ERC2: variants seen among roughly 807,000 people sequenced by gnomAD.
ERC2 encodes ELKS/RAB6-interacting/CAST family member 2, also known as ERC protein 2.
ERC2 carries 42 observed loss-of-function variants against 114.8 expected under a neutral mutation model. The observed-to-expected ratio is 0.37, with a 90% CI of 0.29 to 0.47. ERC2 has a LOEUF of 0.47. Ranked by LOEUF, ERC2 falls within the 20% of genes least tolerant of loss-of-function variation. ERC2 has a pLI of 0.99. For synonymous variants in ERC2, 454 were observed against 425.5 expected (o/e 1.07, Z -0.82); for missense variants, 939 against 1,150.7 (o/e 0.82, Z 2.66).
At chr3:56,065,439 C>G (rs886312392) in intron 7 of ERC2, among the ~76,000 whole-genome samples, 4 of 151,910 alleles carry the variant, frequency 2.6e-5, no homozygotes, top group African/African-American at 4.8e-5. Flanking sequence ...CCGGGCTGCT[C>G]TCAAATTCCT....
intron 14 of ERC2, among the ~76,000 whole-genome samples, chr3:55,799,437 T>TA (rs2070826597): frequency 9.7e-6 from 1 of 103,286 alleles, no homozygotes; most frequent in Admixed American, 9.5e-5. Flanking sequence ...TATATATGCC[T>TA]TATATATATA....
rs139698849 is a variant in ERC2 at position 56,367,828 on chromosome 3, A to C, written c.657+66523T>G. Among the ~76,000 whole-genome samples, 652 of 152,114 alleles carry C rather than the reference A, an allele frequency of 4.3e-3. 17 individuals carry two copies. The highest frequency in any genetic ancestry group is 0.038 in the Admixed American group (580 of 15,246). On this transcript the variant is annotated intron_variant, in intron 2 of 17. Coordinates refer to ENST00000288221, the MANE Select transcript of ERC2 (RefSeq NM_015576.3). The stretch of plus-strand genomic sequence containing the variant: ...ATTTCTCTTTTCACAATTAAAAAAA[A>C]TCAAGAGCTGAGATGGGAGGACTGT...
intron 3 of ERC2, among the ~76,000 whole-genome samples, chr3:56,243,043 T>G (rs1255351758): frequency 6.6e-6 from 1 of 152,196 alleles, no homozygotes; most frequent in Non-Finnish European, 1.5e-5. Context: ...AGTACCTAAA[T>G]TAATCCCACA....
At chr3:56,437,082 A>T (rs1209345978) in intron 1 of ERC2, among the ~76,000 whole-genome samples, 3 of 152,236 alleles carry the variant, frequency 2.0e-5, no homozygotes, top group Non-Finnish European at 4.4e-5. Context: ...AGGTTCAGTC[A>T]TGTGACTTTA....
intron 6 of ERC2, among the ~76,000 whole-genome samples, chr3:56,092,510 CATGTGTTAATACTTAAAGTTTTCGTTAAT>C (rs2077849139): frequency 6.6e-6 from 1 of 152,160 alleles, no homozygotes; most frequent in Non-Finnish European, 1.5e-5. Context: ...AATTGTAACT[CATGTGTTAATACTTAAAGTTTTCGTTAAT>C]AAAACTTCCA....
chr3:56,323,865 C>T (rs2057238348), intron 2 of ERC2, among the ~76,000 whole-genome samples: 2 of 152,170 alleles, frequency 1.3e-5, no homozygotes, highest in Admixed American at 1.3e-4. Flanking sequence ...TCACATGTCA[C>T]CTCCACTGTG....
intron 17 of ERC2, among the ~76,000 whole-genome samples, chr3:55,621,156 C>A (rs193071528): frequency 3.7e-4 from 56 of 152,152 alleles, no homozygotes; most frequent in Non-Finnish European, 6.0e-4. Flanking sequence ...CTCTAACTGC[C>A]CCCCCTCCAG....
chr3:56,046,658 T>C (rs1358970865), intron 7 of ERC2, among the ~76,000 whole-genome samples: 1 of 152,170 alleles, frequency 6.6e-6, no homozygotes, highest in Non-Finnish European at 1.5e-5. Context: ...TCAGCATAAA[T>C]GAAACAAATT....
At chr3:55,660,350 G>A (rs1185874787) in intron 17 of ERC2, among the ~76,000 whole-genome samples, 1 of 152,184 alleles carries the variant, frequency 6.6e-6, no homozygotes, top group Non-Finnish European at 1.5e-5. Context: ...CTGGAATTGA[G>A]TGCCTGGTGC....
chr3:55,662,954 C>T (rs1032706669), intron 17 of ERC2, among the ~76,000 whole-genome samples: 33 of 152,100 alleles, frequency 2.2e-4, no homozygotes, highest in Admixed American at 1.2e-3. Flanking sequence ...ATGGCTGTGA[C>T]CTTCCACAGA....
At chr3:55,563,844 G>T (rs2056194356) in intron 17 of ERC2, among the ~76,000 whole-genome samples, 1 of 152,164 alleles carries the variant, frequency 6.6e-6, no homozygotes, top group African/African-American at 2.4e-5. Context: ...ACTCCTGCCT[G>T]GGCTCCTCAG....
intron 17 of ERC2, among the ~76,000 whole-genome samples, chr3:55,630,693 A>G (rs2059717262): frequency 6.6e-6 from 1 of 152,208 alleles, no homozygotes; most frequent in Non-Finnish European, 1.5e-5. Flanking sequence ...TCCCTGGTGG[A>G]CACACCGTCA....
At chr3:56,453,969 A>C (rs1284263158) in intron 1 of ERC2, among the ~76,000 whole-genome samples, 1 of 152,088 alleles carries the variant, frequency 6.6e-6, no homozygotes, top group South Asian at 2.1e-4. Context: ...GCTGTAACTG[A>C]CCCAAGCATG....
At chr3:56,080,770 A>G (rs755159727) in intron 7 of ERC2, 47 bp downstream of exon 7, 106 of 1,567,402 alleles carry the variant, frequency 6.8e-5, no homozygotes, top group Non-Finnish European at 8.4e-5. Flanking sequence ...CTAAAATGAC[A>G]AAACATGGAT....
At chr3:55,961,853 C>CAAA (rs56292252) in intron 12 of ERC2, among the ~76,000 whole-genome samples, 12,145 of 136,170 alleles carry the variant, frequency 0.089, 785 homozygotes, top group East Asian at 0.22. Flanking sequence ...GATACCCAGT[C>CAAA]AAAAAAAAAA....
At chr3:55,809,134 T>C (rs2059619741) in intron 14 of ERC2, among the ~76,000 whole-genome samples, 1 of 152,182 alleles carries the variant, frequency 6.6e-6, no homozygotes, top group Non-Finnish European at 1.5e-5. Context: ...GATGTAAAGA[T>C]GCATCATAAA....
intron 12 of ERC2, among the ~76,000 whole-genome samples, chr3:55,975,099 G>A (rs1453863146): frequency 6.6e-6 from 1 of 152,042 alleles, no homozygotes; most frequent in South Asian, 2.1e-4. Context: ...AGCTGTATAA[G>A]AGTGGACAAG....
intron 17 of ERC2, among the ~76,000 whole-genome samples, chr3:55,559,074 C>A (rs2055826357): frequency 6.6e-6 from 1 of 152,210 alleles, no homozygotes; most frequent in Admixed American, 6.5e-5. Context: ...GCATGTGGCT[C>A]CAACTGGGTA....
intron 4 of ERC2, among the ~76,000 whole-genome samples, chr3:56,156,624 T>C (rs1274720777): frequency 6.6e-6 from 1 of 152,196 alleles, no homozygotes; most frequent in African/African-American, 2.4e-5. Flanking sequence ...CCAATGTAGC[T>C]GTACCTGTGC....
Sources: gnomAD v4.1 joint callset for allele counts (sites outside exome capture counted in the v4.1 genomes callset) on GRCh38, gnomAD v4.1.1 for gene constraint, MANE v1.5 for transcripts, NCBI Gene and HGNC (gene_info 2026-07-23, HGNC 2026-07-21) for gene names.